The following ACOT11 variants were observed in gnomAD, a reference collection of about 807,000 sequenced individuals.
The protein encoded by ACOT11 is acyl-coenzyme A thioesterase 11.
In ACOT11, 69 loss-of-function variants were observed where a neutral mutation model predicts 77.5. The observed-to-expected ratio is 0.89, with a 90% confidence interval of 0.73 to 1.09. The LOEUF (loss-of-function observed/expected upper bound fraction) is 1.09. Ranked by LOEUF, ACOT11 falls within the 50% of genes least tolerant of loss-of-function variation. The pLI is 0.00. For missense variants in ACOT11, 766 were observed against 813.7 expected (o/e 0.94, Z 0.71); for synonymous variants, 279 against 313.0 (o/e 0.89, Z 1.15).
At chr1:54,583,405 T>C (rs1027433139) in intron 1 of ACOT11, among the ~76,000 whole-genome samples, 1 of 152,106 alleles carries the variant, frequency 6.6e-6, no homozygotes, top group Non-Finnish European at 1.5e-5. Flanking sequence ...TGGGGGGAAT[T>C]ATCTAAGGAG....
chr1:54,570,671 C>T (rs1366469287), intron 1 of ACOT11, among the ~76,000 whole-genome samples: 2 of 122,232 alleles, frequency 1.6e-5, no homozygotes, highest in Non-Finnish European at 3.5e-5. Context: ...CATGAGCCAC[C>T]GTGCCTGGCC....
chr1:54,560,911 C>T (rs541376413), intron 1 of ACOT11, among the ~76,000 whole-genome samples: 3 of 152,020 alleles, frequency 2.0e-5, no homozygotes, highest in South Asian at 2.1e-4. Flanking sequence ...TTAGTAGAGA[C>T]GGGGTTTCAC....
chr1:54,554,351 A>ATGTTT (rs1553161034), intron 1 of ACOT11, among the ~76,000 whole-genome samples: 1 of 97,258 alleles, frequency 1.0e-5, no homozygotes, highest in Non-Finnish European at 1.9e-5. Flanking sequence ...ATATATATAT[A>ATGTTT]TTTTTTTTTT....
At chr1:54,574,965 T>C (rs557785909) in intron 1 of ACOT11, among the ~76,000 whole-genome samples, 1 of 152,358 alleles carries the variant, frequency 6.6e-6, no homozygotes, top group East Asian at 1.9e-4. Flanking sequence ...TTCATGGAGC[T>C]GGGTGGGAGT....
intron 15 of ACOT11, among the ~76,000 whole-genome samples, chr1:54,618,566 C>T (rs1255005493): frequency 6.6e-6 from 1 of 151,968 alleles, no homozygotes; most frequent in Non-Finnish European, 1.5e-5. Context: ...CTTCCAGAGG[C>T]TGAACCTGGG....
chr1:54,625,489 A>C (rs963913274), intron 15 of ACOT11, among the ~76,000 whole-genome samples: 4 of 152,156 alleles, frequency 2.6e-5, no homozygotes, highest in Admixed American at 2.6e-4. Flanking sequence ...CTTCTGTAAT[A>C]AGGCATGGAA....
chr1:54,608,298 G>C (rs1297442880), intron 15 of ACOT11, among the ~76,000 whole-genome samples: 3 of 152,210 alleles, frequency 2.0e-5, no homozygotes, highest in Non-Finnish European at 4.4e-5. Context: ...GGTGCTGAAG[G>C]CAGAAGGCCT....
intron 3 of ACOT11, among the ~76,000 whole-genome samples, chr1:54,588,114 G>A (rs1654571826): frequency 6.6e-6 from 1 of 151,952 alleles, no homozygotes; most frequent in South Asian, 2.1e-4. Context: ...TGAGGTGGGA[G>A]GATCACTTGA....
At position 54,569,408 on chromosome 1, in the gene ACOT11, A is replaced by G. The variant is rs569755184; in HGVS notation, c.34-15247A>G. Among the ~76,000 whole-genome samples, 45 of 152,302 alleles carry G rather than the reference A, an allele frequency of 3.0e-4. No homozygotes were observed. The East Asian group carries it at 6.0e-3, about 20-fold the overall frequency. ...AGCCAGCCTTTGGATTTGCAGCCAG[A>G]GGCCTGACACCCAGGCCACACGCAG... On this transcript the variant is annotated intron_variant, in intron 1 of 15. Coordinates refer to ENST00000343744, the MANE Select transcript of ACOT11 (RefSeq NM_147161.4).
chr1:54,635,216 C>T (rs1237823024), exon 17 of ACOT11: 3 of 226,454 alleles, frequency 1.3e-5, no homozygotes, highest in Admixed American at 5.6e-5. Flanking sequence ...ACAACGATTC[C>T]TATGGAATCA....
At position 54,603,866 on chromosome 1, in the gene ACOT11, C is replaced by T; in HGVS notation, c.1086-5C>T. ...ACCAAGGTTGTCATCTTCTCTCCTT[C>T]CCAGGAAGTACATCGTGTCCTGTAA... On this transcript the variant is annotated splice_polypyrimidine_tract_variant and splice_region_variant and intron_variant, in intron 10 of 15. Transcript: ENST00000343744. 3 of 1,613,986 alleles carry T rather than the reference C, an allele frequency of 1.9e-6. No individual in the cohort carries two copies. The highest frequency in any genetic ancestry group is 2.5e-6 in the Non-Finnish European group (3 of 1,179,898).
chr1:54,573,370 T>A, intron 1 of ACOT11: 1 of 337,324 alleles, frequency 3.0e-6, no homozygotes, highest in Non-Finnish European at 4.2e-6. Flanking sequence ...TCCCCATCTG[T>A]AAAATGGGAA....
chr1:54,616,014 C>T (rs748308425), intron 15 of ACOT11: 1 of 1,613,260 alleles, frequency 6.2e-7, no homozygotes, highest in Non-Finnish European at 8.5e-7. Context: ...CCAGAGAGGC[C>T]CTTACCCTTT....
At chr1:54,571,398 T>C (rs1455968914) in intron 1 of ACOT11, among the ~76,000 whole-genome samples, 5 of 152,218 alleles carry the variant, frequency 3.3e-5, no homozygotes, top group African/African-American at 1.2e-4. Context: ...CTGATAGGGC[T>C]ACTTTGCAGC....
chr1:54,630,515 C>T (rs759548107), intron 15 of ACOT11, among the ~76,000 whole-genome samples: 4 of 152,226 alleles, frequency 2.6e-5, no homozygotes, highest in Admixed American at 1.3e-4. Context: ...GTCTTAAGGG[C>T]GTGTTCCTGC....
chr1:54,637,754 T>G (rs1043153220), exon 17 of ACOT11: 3 of 151,954 alleles, frequency 2.0e-5, no homozygotes, highest in African/African-American at 7.3e-5. Context: ...GCCACTGCAT[T>G]CCAGCCGGGG....
At chr1:54,637,570 G>A (rs1160193488) in exon 17 of ACOT11, 1 of 151,222 alleles carries the variant, frequency 6.6e-6, no homozygotes, top group Non-Finnish European at 1.5e-5. Context: ...ATCACCTGAG[G>A]TCAGGAGTTC....
rs776217602 is a variant in ACOT11, at chr1:54,601,226, G to C, written c.885-43G>C. 3 of 1,590,148 alleles carry C rather than the reference G, an allele frequency of 1.9e-6. No individual in the cohort carries two copies. The South Asian group carries it at 3.3e-5, about 18-fold the overall frequency. On this transcript the variant is annotated intron_variant, in intron 8 of 15. Coordinates refer to ENST00000343744, the MANE Select transcript of ACOT11 (RefSeq NM_147161.4). ...GTGTTGGGGAGGAGGCATGGCCCTT[G>C]GGAAGGTCTGTCCAGGTTGGAAGCC...
chr1:54,610,701 T>G, downstream of ACOT11: 4 of 1,416,550 alleles, frequency 2.8e-6, no homozygotes, highest in Non-Finnish European at 3.7e-6. Flanking sequence ...TTCCTTGCCT[T>G]GTAGACTAGA....
Sources: allele counts gnomAD v4.1 joint callset (sites outside exome capture counted in the v4.1 genomes callset), GRCh38; gene constraint gnomAD v4.1.1; transcripts MANE v1.5; gene names NCBI Gene and HGNC (gene_info 2026-07-23, HGNC 2026-07-21).